Variants in MAB21L2 observed in about 807,000 individuals in gnomAD.
The protein encoded by MAB21L2 is mab-21 like 2.
MAB21L2 carries 15 observed loss-of-function variants against 29.8 expected under a neutral mutation model. The ratio of observed to expected loss-of-function variants is 0.50; its 90% CI spans 0.34 to 0.78. The LOEUF (loss-of-function observed/expected upper bound fraction) is 0.78, where lower values mean the gene tolerates loss of function less well. Among genes scored for constraint, MAB21L2 ranks in the 30% least tolerant of loss-of-function variants. MAB21L2 has a pLI of 0.01. For synonymous variants in MAB21L2, 218 were observed against 210.4 expected (o/e 1.04, Z -0.31); for missense variants, 321 against 480.1 (o/e 0.67, Z 3.10).
Position 150,583,743 on chromosome 4 carries a change from G to A in MAB21L2, c.714G>A (p.Glu238=). ...GGGTGCTACAGTTCGGGGAGGCGGA[G>A]AACCGCCTGCTGATGGGCGGCTGCC... ...DAWVLQFGEA[E]NRLLMGGCRN... Residue 238 remains glutamate (E), a synonymous_variant, in exon 1 of 1, where the codon GAG becomes GAA. Transcript: ENST00000317605. This position sits in a 1 kb window ranked among gnomAD's most constrained non-coding sequence, Gnocchi z 9.8. 6 of 1,613,680 alleles carry A rather than the reference G, an allele frequency of 3.7e-6. No individual in the cohort carries two copies. The highest frequency in any genetic ancestry group is 5.1e-6 in the Non-Finnish European group (6 of 1,179,820).
Position 150,583,563 on chromosome 4 carries a change from G to A in MAB21L2, c.534G>A (p.Gly178=). ...VQITPAFKCT[G]IWPRSAAQWP... ...TCACTCCGGCGTTCAAGTGCACCGGGATCTGGCCTCGCAGCGCGGCACAGT... is the reference window on the plus strand; with the variant it reads ...TCACTCCGGCGTTCAAGTGCACCGGAATCTGGCCTCGCAGCGCGGCACAGT... The change falls in exon 1 of 1, where the codon GGG becomes GGA. Residue 178 remains glycine (G), a synonymous_variant. Transcript: ENST00000317605. This position sits in a 1 kb window ranked among gnomAD's most constrained non-coding sequence, Gnocchi z 9.8. 8 of 1,613,874 alleles carry A rather than the reference G, an allele frequency of 5.0e-6. No homozygotes were observed. The highest frequency in any genetic ancestry group is 1.1e-5 in the South Asian group (1 of 91,062).
Position 150,582,874 on chromosome 4 carries a change from G to A in MAB21L2, c.-156G>A. On this transcript the variant is annotated 5_prime_UTR_variant, in exon 1 of 1. Transcript: ENST00000317605. ...AAAAAACAAGCCGGCTACGGTATCA[G>A]CCGGTCAGCCCAGGTGGAAAACGAG... 1.3e-6 allele frequency: 1 copy of A among 794,084 alleles called. No homozygotes were observed. 49.2% of individuals were successfully genotyped at this position (794,084 alleles called of 1,614,324 possible).
Position 150,582,687 on chromosome 4 carries a change from CCTT to C in MAB21L2, c.-340_-338del, listed in dbSNP as rs1452549385. 9.0e-6 allele frequency: 2 copies of C among 222,016 alleles called. No homozygotes were observed. Among genetic ancestry groups the C allele is most frequent in the East Asian group, 9.6e-5 (1 of 10,402 alleles). 13.8% of individuals were successfully genotyped at this position (222,016 alleles called of 1,614,324 possible). A position where few individuals can be genotyped will look rare whatever the true frequency, so the allele number is the denominator to read the frequency against. On this transcript the variant is annotated 5_prime_UTR_variant, in exon 1 of 1. Coordinates refer to ENST00000317605, the MANE Select transcript of MAB21L2 (RefSeq NM_006439.5). Reference sequence around the variant, plus strand: ...TTGGTATCCTGAGTTTTTTCCCTCTCCTTCTCCTTCCTCACGCCCACCCCGCTT... The same window carrying C: ...TTGGTATCCTGAGTTTTTTCCCTCTCCTCCTTCCTCACGCCCACCCCGCTT...
Position 150,584,094 on chromosome 4 carries a change from C to G in MAB21L2, c.1065C>G (p.Ser355Arg), listed in dbSNP as rs1363020760. The G allele has an allele frequency of 3.9e-6, 6 of 1,546,810 alleles. No individual in the cohort carries two copies. The Admixed American group carries it at 8.0e-5, about 21-fold the overall frequency. The part of the protein sequence containing the change: ...LAREILTNPK[S>R]LDKL Reference sequence around the variant, plus strand: ...GGGAAATTCTCACCAATCCCAAAAGCCTGGACAAACTATAGGGTGCTGGGG... The same window carrying G: ...GGGAAATTCTCACCAATCCCAAAAGGCTGGACAAACTATAGGGTGCTGGGG... Residue 355 changes from serine to arginine, a missense_variant, in exon 1 of 1, where the codon AGC becomes AGG. Ser to Arg is a moderately radical substitution (Grantham distance 110). Coordinates refer to ENST00000317605, the MANE Select transcript of MAB21L2 (RefSeq NM_006439.5).
chr4:150,583,680 G>T lies in MAB21L2; in HGVS notation c.651G>T (p.Ser217=), dbSNP rs928850958. Residue 217 remains serine (S), a synonymous_variant, in exon 1 of 1, where the codon TCG becomes TCT. Coordinates refer to ENST00000317605, the MANE Select transcript of MAB21L2 (RefSeq NM_006439.5). This position sits in a 1 kb window ranked among gnomAD's most constrained non-coding sequence, Gnocchi z 9.8. Reference sequence around the variant, plus strand: ...ACTTGCTCTCGAAGGAGTGCTACTCGCTGACCGGCAAGCAGAGCTCGGCAG... The same window carrying T: ...ACTTGCTCTCGAAGGAGTGCTACTCTCTGACCGGCAAGCAGAGCTCGGCAG... ...GFNLLSKECY[S]LTGKQSSAES... 2.5e-6 allele frequency: 4 copies of T among 1,613,634 alleles called. No individual in the cohort carries two copies. Among genetic ancestry groups the T allele is most frequent in the Admixed American group, 3.3e-5 (2 of 59,972 alleles).
rs1008507357 is a variant in MAB21L2, at chr4:150,584,077, C to T, written c.1048C>T (p.Leu350Phe). ...KQTWRLAREILTNPKSLDKL is the reference protein window; with the variant it reads ...KQTWRLAREIFTNPKSLDKL ...GACCTGGAGGTTGGCCAGGGAAATTCTCACCAATCCCAAAAGCCTGGACAA... is the reference window on the plus strand; with the variant it reads ...GACCTGGAGGTTGGCCAGGGAAATTTTCACCAATCCCAAAAGCCTGGACAA... The change falls in exon 1 of 1, where the codon CTC (leucine) becomes TTC (phenylalanine). Residue 350 changes from leucine (L) to phenylalanine (F), a missense_variant. Transcript: ENST00000317605. 3.9e-6 allele frequency: 6 copies of T among 1,556,986 alleles called. No homozygotes were observed. Among genetic ancestry groups the T allele is most frequent in the Middle Eastern group, 3.5e-4 (2 of 5,768 alleles).
At position 150,583,760 on chromosome 4, in the gene MAB21L2, G is replaced by A; in HGVS notation, c.731G>A (p.Gly244Asp). 1 of 1,613,980 alleles carries A rather than the reference G, an allele frequency of 6.2e-7. No homozygotes were observed. The highest frequency in any genetic ancestry group is 1.3e-5 in the African/African-American group (1 of 75,046). The change falls in exon 1 of 1, where the codon GGC (glycine) becomes GAC (aspartate). Residue 244 changes from glycine (G) to aspartate (D), a missense_variant. Transcript: ENST00000317605. The surrounding 1 kb of genome is among the most constrained non-coding windows in gnomAD (Gnocchi z 9.8). ...FGEAENRLLMGGCRNKCLSVL... is the reference protein window; with the variant it reads ...FGEAENRLLMDGCRNKCLSVL... ...GAGGCGGAGAACCGCCTGCTGATGG[G>A]CGGCTGCCGAAACAAGTGCCTCTCA...
Position 150,582,967 on chromosome 4 carries a change from T to G in MAB21L2, c.-63T>G. 1 of 1,518,046 alleles carries G rather than the reference T, an allele frequency of 6.6e-7. No homozygotes were observed. Among genetic ancestry groups the G allele is most frequent in the Non-Finnish European group, 8.8e-7 (1 of 1,134,064 alleles). The allele number at this position is 1,518,046 out of a possible 1,614,324, so 94.0% of individuals were successfully genotyped here. ...AAGCCGCTGGGCCACCACCAGTGCG[T>G]GAGCCTTGGATCCCTCAACGTATTG... On this transcript the variant is annotated 5_prime_UTR_variant, in exon 1 of 1. Coordinates refer to ENST00000317605, the MANE Select transcript of MAB21L2 (RefSeq NM_006439.5).
Position 150,584,134 on chromosome 4 carries a change from GAC to G in MAB21L2, c.*29_*30del. 2 of 1,504,394 alleles carry G rather than the reference GAC, an allele frequency of 1.3e-6. No individual in the cohort carries two copies. The highest frequency in any genetic ancestry group is 1.8e-6 in the Non-Finnish European group (2 of 1,126,846). The allele number at this position is 1,504,394 out of a possible 1,614,324, so 93.2% of individuals were successfully genotyped here. A position where few individuals can be genotyped will look rare whatever the true frequency, so the allele number is the denominator to read the frequency against. On this transcript the variant is annotated 3_prime_UTR_variant, in exon 1 of 1. Coordinates refer to ENST00000317605, the MANE Select transcript of MAB21L2 (RefSeq NM_006439.5). ...GGGTGCTGGGGACTGCTTGAAAAGC[GAC>G]ACAAACGGGCGTGCTCTCTCAGACA...
Position 150,582,624 on chromosome 4 carries a change from C to T in MAB21L2, c.-406C>T, listed in dbSNP as rs1771522547. ...CTTAAAAAACCTCATTTCCAGATTT[C>T]TGGACAATCTCGGCTGCAGACATCT... On this transcript the variant is annotated 5_prime_UTR_variant, in exon 1 of 1. Coordinates refer to ENST00000317605, the MANE Select transcript of MAB21L2 (RefSeq NM_006439.5). 1 of 172,422 alleles carries T rather than the reference C, an allele frequency of 5.8e-6. No homozygotes were observed. The highest frequency in any genetic ancestry group is 1.7e-4 in the South Asian group (1 of 5,898). 10.7% of individuals were successfully genotyped at this position (172,422 alleles called of 1,614,324 possible). A position where few individuals can be genotyped will look rare whatever the true frequency, so the allele number is the denominator to read the frequency against.
In MAB21L2 at chr4:150,584,039, G is replaced by C; in HGVS notation, c.1010G>C (p.Ser337Thr). ...GGCAAGCCCCATTCGGCCCTGGAGAGCGCTGCCAAGCAGACCTGGAGGTTG... is the reference window on the plus strand; with the variant it reads ...GGCAAGCCCCATTCGGCCCTGGAGACCGCTGCCAAGCAGACCTGGAGGTTG... ...FQGKPHSALE[S>T]AAKQTWRLAR... The change falls in exon 1 of 1, where the codon AGC (serine) becomes ACC (threonine). Residue 337 changes from serine to threonine, a missense_variant. Transcript: ENST00000317605. The C allele has an allele frequency of 6.2e-7, 1 of 1,607,382 alleles. No homozygotes were observed. Among genetic ancestry groups the C allele is most frequent in the Non-Finnish European group, 8.5e-7 (1 of 1,176,946 alleles).
chr4:150,582,813 C>T lies in MAB21L2; in HGVS notation c.-217C>T. 2.0e-6 allele frequency: 1 copy of T among 493,632 alleles called. No individual in the cohort carries two copies. Among genetic ancestry groups the T allele is most frequent in the South Asian group, 4.7e-5 (1 of 21,116 alleles). The allele number at this position is 493,632 out of a possible 1,614,324, so 30.6% of individuals were successfully genotyped here. The stretch of plus-strand genomic sequence containing the variant: ...AATCACCTTTTCTCCCCTAATTCTT[C>T]TGCAGAAGAAAAGAGGTTTCGAAAG... On this transcript the variant is annotated 5_prime_UTR_variant, in exon 1 of 1. Coordinates refer to ENST00000317605, the MANE Select transcript of MAB21L2 (RefSeq NM_006439.5).
chr4:150,583,310 T>G lies in MAB21L2; in HGVS notation c.281T>G (p.Leu94Arg). Residue 94 changes from leucine to arginine, a missense_variant, in exon 1 of 1, where the codon CTG becomes CGG. By Grantham distance (102) the Leu-to-Arg change is moderately radical. Coordinates refer to ENST00000317605, the MANE Select transcript of MAB21L2 (RefSeq NM_006439.5). The surrounding 1 kb of genome is among the most constrained non-coding windows in gnomAD (Gnocchi z 9.8). ...TTCAACTTCGTGGACGACGGCTCGC[T>G]GCCCGGCTGCGCAGTGCTCAAACTG... ...GVFNFVDDGSLPGCAVLKLSD... is the reference protein window; with the variant it reads ...GVFNFVDDGSRPGCAVLKLSD... 1 of 1,614,196 alleles carries G rather than the reference T, an allele frequency of 6.2e-7. No individual in the cohort carries two copies. Among genetic ancestry groups the G allele is most frequent in the Non-Finnish European group, 8.5e-7 (1 of 1,180,030 alleles).
chr4:150,584,292 T>A lies in MAB21L2; in HGVS notation c.*183T>A. 1 of 562,222 alleles carries A rather than the reference T, an allele frequency of 1.8e-6. No individual in the cohort carries two copies. The highest frequency in any genetic ancestry group is 1.9e-5 in the African/African-American group (1 of 51,714). 34.8% of individuals were successfully genotyped at this position (562,222 alleles called of 1,614,324 possible). On this transcript the variant is annotated 3_prime_UTR_variant, in exon 1 of 1. Coordinates refer to ENST00000317605, the MANE Select transcript of MAB21L2 (RefSeq NM_006439.5). Reference sequence around the variant, plus strand: ...AAGAGAGCAACCCAACCAAAACAAATCACATTCTTGCACAAAAGTGATCGT... The same window carrying A: ...AAGAGAGCAACCCAACCAAAACAAAACACATTCTTGCACAAAAGTGATCGT...
Position 150,582,917 on chromosome 4 carries a change from A to G in MAB21L2, c.-113A>G. On this transcript the variant is annotated 5_prime_UTR_variant, in exon 1 of 1. Coordinates refer to ENST00000317605, the MANE Select transcript of MAB21L2 (RefSeq NM_006439.5). ...AAAACGAGAGTGAAAGTAGGGCTTA[A>G]CGGGGAGCGCACCGCCTCTTTCGAA... The G allele has an allele frequency of 1.6e-6, 2 of 1,290,218 alleles. No individual in the cohort carries two copies. Among genetic ancestry groups the G allele is most frequent in the South Asian group, 3.0e-5 (2 of 66,788 alleles). The allele number at this position is 1,290,218 out of a possible 1,614,324, so 79.9% of individuals were successfully genotyped here.
chr4:150,582,848 G>A lies in MAB21L2; in HGVS notation c.-182G>A, dbSNP rs1581738645. 3.4e-6 allele frequency: 2 copies of A among 586,502 alleles called. No individual in the cohort carries two copies. The highest frequency in any genetic ancestry group is 3.7e-5 in the African/African-American group (2 of 54,142). 36.3% of individuals were successfully genotyped at this position (586,502 alleles called of 1,614,324 possible). ...AAAGAGGTTTCGAAAGAGGGAAAAG[G>A]AAAAAACAAGCCGGCTACGGTATCA... On this transcript the variant is annotated 5_prime_UTR_variant, in exon 1 of 1. Coordinates refer to ENST00000317605, the MANE Select transcript of MAB21L2 (RefSeq NM_006439.5).
Position 150,583,254 on chromosome 4 carries a change from G to A in MAB21L2, c.225G>A (p.Glu75=), listed in dbSNP as rs1271296952. The change falls in exon 1 of 1, where the codon GAG becomes GAA. Residue 75 remains glutamate (E), a synonymous_variant. Coordinates refer to ENST00000317605, the MANE Select transcript of MAB21L2 (RefSeq NM_006439.5). The surrounding 1 kb of genome is among the most constrained non-coding windows in gnomAD (Gnocchi z 9.8). ...GLEVISPTEF[E]VVLYLNQMGV... is the part of the protein sequence containing the mutation. ...AGGTCATTTCGCCCACCGAATTTGA[G>A]GTGGTGCTCTACCTAAACCAGATGG... The A allele has an allele frequency of 1.2e-6, 2 of 1,614,248 alleles. No homozygotes were observed. Among genetic ancestry groups the A allele is most frequent in the Non-Finnish European group, 8.5e-7 (1 of 1,180,044 alleles).
In MAB21L2 at chr4:150,584,316, G is replaced by C. The variant is rs772060357; in HGVS notation, c.*207G>C. 2 of 480,814 alleles carry C rather than the reference G, an allele frequency of 4.2e-6. No individual in the cohort carries two copies. Among genetic ancestry groups the C allele is most frequent in the African/African-American group, 4.0e-5 (2 of 49,860 alleles). 29.8% of individuals were successfully genotyped at this position (480,814 alleles called of 1,614,324 possible). ...ATCACATTCTTGCACAAAAGTGATC[G>C]TTTTCTTCCAAACAATGTGAATTTA... On this transcript the variant is annotated 3_prime_UTR_variant, in exon 1 of 1. Transcript: ENST00000317605.
Position 150,583,643 on chromosome 4 carries a change from C to T in MAB21L2, c.614C>T (p.Ala205Val). 6.2e-7 allele frequency: 1 copy of T among 1,614,020 alleles called. No homozygotes were observed. The highest frequency in any genetic ancestry group is 1.1e-5 in the South Asian group (1 of 91,072). The change falls in exon 1 of 1, where the codon GCC becomes GTC. Residue 205 changes from alanine (A) to valine (V), a missense_variant. Physicochemically the swap from Ala to Val is moderately conservative, Grantham distance 64 (BLOSUM62 0). Coordinates refer to ENST00000317605, the MANE Select transcript of MAB21L2 (RefSeq NM_006439.5). This position sits in a 1 kb window ranked among gnomAD's most constrained non-coding sequence, Gnocchi z 9.8. ...CCCAATCGGGTGGCCGAGGTCAAGG[C>T]CGAAGGGTTCAACTTGCTCTCGAAG... Reference protein sequence around the residue: ...PGPNRVAEVKAEGFNLLSKEC... With the variant: ...PGPNRVAEVKVEGFNLLSKEC...
Sources: allele counts gnomAD v4.1 joint callset, GRCh38; gene constraint gnomAD v4.1.1; non-coding constraint Gnocchi (gnomAD v3.1); transcripts MANE v1.5; gene names NCBI Gene and HGNC (gene_info 2026-07-23, HGNC 2026-07-21).